GLRA3: variants seen among roughly 807,000 people sequenced by gnomAD.
GLRA3 encodes the protein glycine receptor subunit alpha-3.
In GLRA3, 44 loss-of-function variants were observed where a neutral mutation model predicts 60.4. The observed-to-expected ratio is 0.73, with a 90% CI of 0.57 to 0.94. The LOEUF (loss-of-function observed/expected upper bound fraction) is 0.94, where lower values mean the gene tolerates loss of function less well. Ranked by LOEUF, GLRA3 falls within the 40% of genes least tolerant of loss-of-function variation. The pLI, the probability that GLRA3 is intolerant of heterozygous loss-of-function variation, is 0.00. For synonymous variants in GLRA3, 223 were observed against 192.9 expected, an observed-to-expected ratio of 1.16 and a Z score of -1.29; for missense variants, 508 against 564.6, an observed-to-expected ratio of 0.90 and a Z score of 1.02.
At chr4:174,688,600 G>C (rs566367556) in intron 5 of GLRA3, among the ~76,000 whole-genome samples, 1 of 150,156 alleles carries the variant, frequency 6.7e-6, no homozygotes, top group African/African-American at 2.4e-5. Context: ...GTGTGTGTGT[G>C]TGTGTGTGTG....
At chr4:174,757,330 G>A (rs1429496470) in intron 3 of GLRA3, among the ~76,000 whole-genome samples, 3 of 151,798 alleles carry the variant, frequency 2.0e-5, no homozygotes, top group East Asian at 1.9e-4. Context: ...AAGCCTAGAC[G>A]CAATGAAACC....
intron 5 of GLRA3, among the ~76,000 whole-genome samples, chr4:174,709,167 T>A (rs1029373856): frequency 2.6e-5 from 4 of 152,094 alleles, no homozygotes; most frequent in Non-Finnish European, 5.9e-5. Flanking sequence ...TAATGGCATC[T>A]GATAAGTAAT....
chr4:174,723,828 A>G (rs953505851), intron 4 of GLRA3, among the ~76,000 whole-genome samples: 14 of 151,990 alleles, frequency 9.2e-5, no homozygotes, highest in Non-Finnish European at 1.3e-4. Flanking sequence ...AAGAGACTTT[A>G]TAACTTAAAA....
At chr4:174,790,574 C>CA (rs1394985337) in intron 1 of GLRA3, among the ~76,000 whole-genome samples, 1 of 151,796 alleles carries the variant, frequency 6.6e-6, no homozygotes, top group Non-Finnish European at 1.5e-5. Flanking sequence ...ATTTCCCTTG[C>CA]AAAATCTCTC....
intron 3 of GLRA3, among the ~76,000 whole-genome samples, chr4:174,760,208 T>C (rs900347154): frequency 3.9e-5 from 6 of 152,176 alleles, no homozygotes; most frequent in Admixed American, 1.3e-4. Flanking sequence ...AATCATTTAT[T>C]AAAATGCTTA....
chr4:174,820,130 A>C (rs1740680696), intron 1 of GLRA3, among the ~76,000 whole-genome samples: 1 of 152,224 alleles, frequency 6.6e-6, no homozygotes, highest in Non-Finnish European at 1.5e-5. Context: ...GTAAGGCATA[A>C]CTGAGTAAGA....
intron 9 of GLRA3, among the ~76,000 whole-genome samples, chr4:174,653,952 G>T (rs1733108304): frequency 1.3e-5 from 2 of 152,178 alleles, no homozygotes; most frequent in South Asian, 4.1e-4. Context: ...AATAACTGAA[G>T]TCTTGCAATT....
intron 1 of GLRA3, among the ~76,000 whole-genome samples, chr4:174,813,207 T>C (rs866844308): frequency 6.6e-6 from 1 of 152,222 alleles, no homozygotes. Context: ...ATAATTCTAA[T>C]TAAATGAGTC....
chr4:174,771,878 T>C (rs529254629), intron 2 of GLRA3, among the ~76,000 whole-genome samples: 2 of 152,166 alleles, frequency 1.3e-5, no homozygotes, highest in Non-Finnish European at 2.9e-5. Context: ...ACAATTGTGG[T>C]GAAAGAGGCA....
chr4:174,666,469 C>T (rs1322591028), intron 7 of GLRA3, among the ~76,000 whole-genome samples: 4 of 151,746 alleles, frequency 2.6e-5, no homozygotes, highest in African/African-American at 9.7e-5. Context: ...GTTTATGAGC[C>T]AGGAGACAGG....
intron 7 of GLRA3, among the ~76,000 whole-genome samples, chr4:174,665,017 T>C (rs1489026061): frequency 6.6e-6 from 1 of 152,086 alleles, no homozygotes; most frequent in African/African-American, 2.4e-5. Context: ...AAAGAAGTGT[T>C]GTAAAGAAAA....
Position 174,638,325 on chromosome 4 carries a change from C to T in GLRA3, c.*5461G>A, listed in dbSNP as rs1382416409. The T allele has an allele frequency of 6.6e-6, 1 of 152,174 alleles. No homozygotes were observed. Among genetic ancestry groups the T allele is most frequent in the Non-Finnish European group, 1.5e-5 (1 of 68,024 alleles). 9.4% of individuals were successfully genotyped at this position (152,174 alleles called of 1,614,324 possible). A position where few individuals can be genotyped will look rare whatever the true frequency, so the allele number is the denominator to read the frequency against. On this transcript the variant is annotated 3_prime_UTR_variant, in exon 10 of 10. Transcript: ENST00000274093. ...TGTTTGTTTGTGAGACAGAGTCTCA[C>T]TCTGTCACCCAGTTTGGAGTGCAGT... is the stretch of plus-strand genomic sequence containing the variant.
At chr4:174,792,126 C>T (rs574208825) in intron 1 of GLRA3, among the ~76,000 whole-genome samples, 7 of 152,132 alleles carry the variant, frequency 4.6e-5, no homozygotes, top group African/African-American at 1.2e-4. Context: ...CAGAGTTGAG[C>T]ACTAAGGGTG....
Position 174,644,024 on chromosome 4 carries a change from T to C in GLRA3, c.1157A>G (p.Tyr386Cys). The change falls in exon 10 of 10, where the codon TAT becomes TGT. Residue 386 changes from tyrosine (Y) to cysteine (C), a missense_variant. Transcript: ENST00000274093. ...TGCTTGTAGACATGGTCCCATTCCA[T>C]AGGCTGTGAAGCTGAATCGGCTTTC... is the stretch of plus-strand genomic sequence containing the variant. ...VRESRFSFTA[Y>C]GMGPCLQAKD... The C allele has an allele frequency of 6.2e-7, 1 of 1,613,786 alleles. No individual in the cohort carries two copies. Among genetic ancestry groups the C allele is most frequent in the Non-Finnish European group, 8.5e-7 (1 of 1,179,844 alleles).
chr4:174,804,721 G>T (rs1178094349), intron 1 of GLRA3, among the ~76,000 whole-genome samples: 11 of 152,162 alleles, frequency 7.2e-5, no homozygotes, highest in African/African-American at 2.4e-4. Context: ...ATAGCTCTCT[G>T]CACAGAACGC....
intron 7 of GLRA3, among the ~76,000 whole-genome samples, chr4:174,661,967 G>A (rs1177585619): frequency 1.3e-5 from 2 of 152,204 alleles, no homozygotes; most frequent in African/African-American, 2.4e-5. Context: ...AAGTAATTCA[G>A]TAACCTTTAA....
At chr4:174,697,098 T>C (rs1278841505) in intron 5 of GLRA3, among the ~76,000 whole-genome samples, 2 of 152,196 alleles carry the variant, frequency 1.3e-5, no homozygotes, top group Admixed American at 1.3e-4. Flanking sequence ...AAAGAGGTTA[T>C]ATAAAACTTT....
At chr4:174,803,415 C>T (rs1051003036) in intron 1 of GLRA3, among the ~76,000 whole-genome samples, 1 of 152,018 alleles carries the variant, frequency 6.6e-6, no homozygotes, top group Non-Finnish European at 1.5e-5. Context: ...TTAGGAAAGA[C>T]TTATTAGCTC....
At chr4:174,801,392 T>G (rs899049524) in intron 1 of GLRA3, among the ~76,000 whole-genome samples, 3 of 152,112 alleles carry the variant, frequency 2.0e-5, no homozygotes, top group Non-Finnish European at 2.9e-5. Context: ...TGAATTCCCC[T>G]GCACTACAGA....
Sources: allele counts gnomAD v4.1 joint callset (sites outside exome capture counted in the v4.1 genomes callset), GRCh38; gene constraint gnomAD v4.1.1; transcripts MANE v1.5; gene names NCBI Gene and HGNC (gene_info 2026-07-23, HGNC 2026-07-21).